Variants in ZNF385B observed in about 807,000 individuals in gnomAD.
The protein encoded by ZNF385B is zinc finger protein 533.
ZNF385B carries 23 observed loss-of-function variants against 39.2 expected under a neutral mutation model. That is an observed-to-expected ratio of 0.59 (90% CI 0.42 to 0.83). The LOEUF (loss-of-function observed/expected upper bound fraction) is 0.83. Ranked by LOEUF, ZNF385B falls within the 40% of genes least tolerant of loss-of-function variation. The pLI is 0.00. For missense variants in ZNF385B, 552 were observed against 598.9 expected (o/e 0.92, Z 0.82); for synonymous variants, 205 against 222.6 (o/e 0.92, Z 0.70).
chr2:179,517,726 G>A (rs2058191516), intron 5 of ZNF385B, among the ~76,000 whole-genome samples: 1 of 152,004 alleles, frequency 6.6e-6, no homozygotes, highest in Non-Finnish European at 1.5e-5. Context: ...ATCGGTCATT[G>A]GCTTTACTTG....
intron 1 of ZNF385B, among the ~76,000 whole-genome samples, chr2:179,860,425 T>C (rs955627233): frequency 6.6e-6 from 1 of 152,124 alleles, no homozygotes. Flanking sequence ...CACATAACAG[T>C]GGCGAAACAG....
At chr2:179,766,749 G>C (rs531578674) in intron 3 of ZNF385B, among the ~76,000 whole-genome samples, 2 of 152,232 alleles carry the variant, frequency 1.3e-5, no homozygotes, top group African/African-American at 4.8e-5. Context: ...ATATTCTGAG[G>C]TACTGGGGGT....
At position 179,829,748 on chromosome 2, in the gene ZNF385B, C is replaced by T. The variant is rs566644918; in HGVS notation, c.-155+31353G>A. ...CACGATGGTCTCGATCTCCTGACCT[C>T]GTGATCTGCCCGCCTTGGCCTCCCA... is the stretch of plus-strand genomic sequence containing the variant. On this transcript the variant is annotated intron_variant, in intron 1 of 9. Coordinates refer to ENST00000410066, the MANE Select transcript of ZNF385B (RefSeq NM_152520.6). Among the ~76,000 whole-genome samples the T allele has an allele frequency of 2.9e-4, 44 of 152,274 alleles. 1 individual carries two copies. In the East Asian group the frequency reaches 7.5e-3, roughly 26 times the overall value.
In ZNF385B at chr2:179,443,036, C is replaced by A; in HGVS notation, c.*214G>T. On this transcript the variant is annotated 3_prime_UTR_variant, in exon 10 of 10. Coordinates refer to ENST00000410066, the MANE Select transcript of ZNF385B (RefSeq NM_152520.6). ...TGGGGGAGGAAGTAGGGAGATAAAG[C>A]CTATGCTGCTGATTCCTCAATTATA... 1 of 635,436 alleles carries A rather than the reference C, an allele frequency of 1.6e-6. No homozygotes were observed. The highest frequency in any genetic ancestry group is 2.8e-6 in the Non-Finnish European group (1 of 358,508). The allele number at this position is 635,436 out of a possible 1,614,324, so 39.4% of individuals were successfully genotyped here. A position where few individuals can be genotyped will look rare whatever the true frequency, so the allele number is the denominator to read the frequency against.
chr2:179,453,572 C>T (rs751724039), intron 6 of ZNF385B, among the ~76,000 whole-genome samples: 2 of 152,126 alleles, frequency 1.3e-5, no homozygotes, highest in African/African-American at 2.4e-5. Context: ...TACTGCAGGT[C>T]TTGGCAATTT....
intron 3 of ZNF385B, among the ~76,000 whole-genome samples, chr2:179,559,078 T>C (rs556804941): frequency 2.6e-5 from 4 of 152,334 alleles, no homozygotes; most frequent in Admixed American, 1.3e-4. Context: ...AATTTCTTGT[T>C]AGAAATTTCC....
At chr2:179,714,843 C>A (rs1700217006) in intron 3 of ZNF385B, among the ~76,000 whole-genome samples, 1 of 149,708 alleles carries the variant, frequency 6.7e-6, no homozygotes, top group African/African-American at 2.5e-5. Context: ...CCCAGCTACT[C>A]AGCAGGCTGA....
At chr2:179,572,173 T>C (rs1685295225) in intron 3 of ZNF385B, among the ~76,000 whole-genome samples, 1 of 152,100 alleles carries the variant, frequency 6.6e-6, no homozygotes, top group South Asian at 2.1e-4. Flanking sequence ...TTGAGGTGTC[T>C]AGGAATTCTA....
intron 7 of ZNF385B, 132 bp from the exon 8 acceptor site, chr2:179,445,860 T>C: frequency 1.2e-6 from 1 of 811,622 alleles, no homozygotes; most frequent in Non-Finnish European, 1.8e-6. Context: ...ACTTTAATGC[T>C]GATTTTAAAT....
intron 3 of ZNF385B, among the ~76,000 whole-genome samples, chr2:179,682,691 C>T (rs1249903427): frequency 2.6e-5 from 4 of 152,122 alleles, no homozygotes; most frequent in Non-Finnish European, 4.4e-5. Flanking sequence ...TACCCTCCTC[C>T]GAGGATTGGG....
intron 3 of ZNF385B, among the ~76,000 whole-genome samples, chr2:179,678,762 T>A (rs1452081989): frequency 6.6e-6 from 1 of 152,202 alleles, no homozygotes; most frequent in African/African-American, 2.4e-5. Context: ...TCTGCCATAC[T>A]CTCTGTTATT....
chr2:179,786,692 C>T (rs1705026265), intron 1 of ZNF385B, among the ~76,000 whole-genome samples: 3 of 149,316 alleles, frequency 2.0e-5, no homozygotes, highest in Admixed American at 1.3e-4. Flanking sequence ...AGGTTTCTTT[C>T]TTTTTCTTTT....
At chr2:179,817,184 A>G (rs897550636) in intron 1 of ZNF385B, among the ~76,000 whole-genome samples, 1 of 152,178 alleles carries the variant, frequency 6.6e-6, no homozygotes, top group African/African-American at 2.4e-5. Context: ...TATCATTGTT[A>G]TTGTGCATAG....
chr2:179,829,747 T>C (rs1317370373), intron 1 of ZNF385B, among the ~76,000 whole-genome samples: 1 of 152,162 alleles, frequency 6.6e-6, no homozygotes, highest in Non-Finnish European at 1.5e-5. Flanking sequence ...TCTCCTGACC[T>C]CGTGATCTGC....
At chr2:179,506,809 G>GTATT (rs1192375887) in intron 5 of ZNF385B, among the ~76,000 whole-genome samples, 1 of 152,104 alleles carries the variant, frequency 6.6e-6, no homozygotes, top group East Asian at 1.9e-4. Context: ...AGAGGAAGGA[G>GTATT]TATTAAAAAT....
chr2:179,690,053 AC>A (rs540620768), intron 3 of ZNF385B, among the ~76,000 whole-genome samples: 30 of 152,022 alleles, frequency 2.0e-4, no homozygotes, highest in Non-Finnish European at 3.4e-4. Context: ...CTCTGCCCAT[AC>A]CTTAGAAAAT....
intron 3 of ZNF385B, among the ~76,000 whole-genome samples, chr2:179,667,408 C>A (rs989355510): frequency 1.1e-4 from 16 of 152,154 alleles, no homozygotes; most frequent in African/African-American, 3.1e-4. Flanking sequence ...CTCCCTCCCC[C>A]CCACCATTTT....
chr2:179,572,577 C>T (rs900236989), intron 3 of ZNF385B, among the ~76,000 whole-genome samples: 5 of 152,100 alleles, frequency 3.3e-5, no homozygotes, highest in African/African-American at 1.2e-4. Context: ...CTCAACAGGA[C>T]ATGACAACTG....
chr2:179,699,856 T>G (rs1025156247), intron 3 of ZNF385B, among the ~76,000 whole-genome samples: 1 of 152,182 alleles, frequency 6.6e-6, no homozygotes, highest in African/African-American at 2.4e-5. Context: ...CAGTAAAAAC[T>G]AACTTAAGAA....
Sources: allele counts gnomAD v4.1 joint callset (sites outside exome capture counted in the v4.1 genomes callset), GRCh38; gene constraint gnomAD v4.1.1; transcripts MANE v1.5; gene names NCBI Gene and HGNC (gene_info 2026-07-23, HGNC 2026-07-21).